The following PPFIBP2 variants were observed in gnomAD, a reference collection of about 807,000 sequenced individuals.
PPFIBP2 encodes liprin-beta-2.
PPFIBP2 carries 118 observed loss-of-function variants against 118.3 expected under a neutral mutation model. The observed-to-expected ratio is 1.00, with a 90% CI of 0.86 to 1.16. The LOEUF is 1.16. Ranked by LOEUF, PPFIBP2 falls within the 50% of genes most tolerant of loss-of-function variation. PPFIBP2 has a pLI of 0.00. For missense variants in PPFIBP2, 1,195 were observed against 1,073.1 expected, an observed-to-expected ratio of 1.11 and a Z score of -1.59; for synonymous variants, 414 against 397.4, an observed-to-expected ratio of 1.04 and a Z score of -0.50.
chr11:7,592,385 T>C (rs1169318836), intron 3 of PPFIBP2, among the ~76,000 whole-genome samples: 4 of 152,142 alleles, frequency 2.6e-5, no homozygotes, highest in Non-Finnish European at 5.9e-5. Flanking sequence ...CCCTTTCCTC[T>C]CTTTTCTATA....
intron 1 of PPFIBP2, among the ~76,000 whole-genome samples, chr11:7,536,165 A>G (rs918030956): frequency 6.6e-6 from 1 of 152,208 alleles, no homozygotes; most frequent in African/African-American, 2.4e-5. Context: ...TGGGACATAT[A>G]GTTTCTGAAT....
intron 3 of PPFIBP2, among the ~76,000 whole-genome samples, chr11:7,568,096 A>G: frequency 6.6e-6 from 1 of 152,174 alleles, no homozygotes; most frequent in East Asian, 1.9e-4. Context: ...ACACATTGGC[A>G]TTGTTCACAC....
chr11:7,568,527 G>A (rs541369587), intron 3 of PPFIBP2, among the ~76,000 whole-genome samples: 124 of 152,284 alleles, frequency 8.1e-4, no homozygotes, highest in African/African-American at 2.9e-3. Context: ...TAGCTGCAGT[G>A]GCCAGAATTT....
intron 2 of PPFIBP2, among the ~76,000 whole-genome samples, chr11:7,559,254 A>G (rs904459828): frequency 6.6e-6 from 1 of 152,202 alleles, no homozygotes; most frequent in Non-Finnish European, 1.5e-5. Flanking sequence ...CATATCCAGC[A>G]TTAGTGGTTT....
At chr11:7,546,030 C>G (rs1298998250) in intron 1 of PPFIBP2, among the ~76,000 whole-genome samples, 1 of 152,182 alleles carries the variant, frequency 6.6e-6, no homozygotes, top group East Asian at 1.9e-4. Flanking sequence ...TGGAGAACTT[C>G]CAGGTTGGTG....
Position 7,653,623 on chromosome 11 carries a change from T to C in PPFIBP2, c.*405T>C. The C allele has an allele frequency of 7.7e-7, 1 of 1,295,418 alleles. No homozygotes were observed. Among genetic ancestry groups the C allele is most frequent in the South Asian group, 1.2e-5 (1 of 81,088 alleles). 80.2% of individuals were successfully genotyped at this position (1,295,418 alleles called of 1,614,324 possible). On this transcript the variant is annotated 3_prime_UTR_variant, in exon 24 of 24. Transcript: ENST00000299492. ...GAAAAGCTCAAGTGCCTTAGGCCCGTGGACCACAGTCTTGGCTGAGATCAA... is the reference window on the plus strand; with the variant it reads ...GAAAAGCTCAAGTGCCTTAGGCCCGCGGACCACAGTCTTGGCTGAGATCAA...
intron 10 of PPFIBP2, 23 bp downstream of exon 10, chr11:7,629,557 CGT>C (rs751381722): frequency 3.7e-6 from 6 of 1,608,842 alleles, no homozygotes; most frequent in Non-Finnish European, 5.1e-6. Flanking sequence ...GCGATCCTAC[CGT>C]TGTCTCTGAA....
Position 7,642,281 on chromosome 11 carries a change from G to A in PPFIBP2, c.1518-17G>A. The A allele has an allele frequency of 6.2e-7, 1 of 1,613,446 alleles. No individual in the cohort carries two copies. Among genetic ancestry groups the A allele is most frequent in the Non-Finnish European group, 8.5e-7 (1 of 1,179,736 alleles). Reference sequence around the variant, plus strand: ...TGACTATTCCATGACCGTCTCCATGGATTCTTCTCCATGCAGAATCCGAAG... The same window carrying A: ...TGACTATTCCATGACCGTCTCCATGAATTCTTCTCCATGCAGAATCCGAAG... On this transcript the variant is annotated splice_polypyrimidine_tract_variant and intron_variant, in intron 16 of 23. Transcript: ENST00000299492.
intron 1 of PPFIBP2, among the ~76,000 whole-genome samples, chr11:7,520,475 G>A (rs1337898166): frequency 2.0e-5 from 3 of 151,220 alleles, no homozygotes; most frequent in Non-Finnish European, 2.9e-5. Flanking sequence ...GAATTTTTCA[G>A]TTTAGAAGTG....
chr11:7,578,641 A>G (rs1856800646), intron 3 of PPFIBP2, among the ~76,000 whole-genome samples: 1 of 152,216 alleles, frequency 6.6e-6, no homozygotes, highest in Non-Finnish European at 1.5e-5. Context: ...CCCAGGAAAT[A>G]AACCTCAGAT....
At chr11:7,654,622 G>A (rs917954112), downstream of PPFIBP2, among the ~76,000 whole-genome samples, 1 of 152,246 alleles carries the variant, frequency 6.6e-6, no homozygotes, top group African/African-American at 2.4e-5. Context: ...CAATGCTGCT[G>A]ATAGATCCTG....
chr11:7,552,898 T>G (rs1245870443), intron 2 of PPFIBP2, among the ~76,000 whole-genome samples: 1 of 152,212 alleles, frequency 6.6e-6, no homozygotes, highest in Non-Finnish European at 1.5e-5. Flanking sequence ...TTTATAGCAC[T>G]TATCACCTGA....
At chr11:7,628,452 C>T (rs940882054) in intron 9 of PPFIBP2, 106 bp downstream of exon 9, 3 of 1,043,754 alleles carry the variant, frequency 2.9e-6, no homozygotes, top group East Asian at 2.5e-5. Context: ...CTTATCATGC[C>T]ATTGACATAG....
intron 3 of PPFIBP2, among the ~76,000 whole-genome samples, chr11:7,589,713 C>G (rs1858891315): frequency 6.6e-6 from 1 of 152,164 alleles, no homozygotes; most frequent in African/African-American, 2.4e-5. Flanking sequence ...AACCTGACTT[C>G]ATGCGTGGAG....
intron 2 of PPFIBP2, among the ~76,000 whole-genome samples, chr11:7,562,154 C>T (rs1031705046): frequency 3.9e-5 from 6 of 152,242 alleles, no homozygotes; most frequent in Non-Finnish European, 8.8e-5. Context: ...GCGTAATGCT[C>T]ATTGGCCCAC....
chr11:7,662,214 C>T, the PPFIBP2 span, among the ~76,000 whole-genome samples: 9 of 151,850 alleles, frequency 5.9e-5, no homozygotes, highest in East Asian at 7.7e-4. Context: ...TTATTTTGCT[C>T]GTTAGTTGAT....
intron 1 of PPFIBP2, among the ~76,000 whole-genome samples, chr11:7,538,508 C>G (rs1424904831): frequency 4.6e-5 from 7 of 152,082 alleles, no homozygotes; most frequent in African/African-American, 1.7e-4. Flanking sequence ...GAGAAGGGCT[C>G]GAGCTTTTTG....
At chr11:7,569,534 G>A (rs534670344) in intron 3 of PPFIBP2, among the ~76,000 whole-genome samples, 1 of 152,298 alleles carries the variant, frequency 6.6e-6, no homozygotes, top group Non-Finnish European at 1.5e-5. Flanking sequence ...AGGAACAAAG[G>A]GCTTGGATTC....
chr11:7,557,516 G>A (rs1437551117), intron 2 of PPFIBP2, among the ~76,000 whole-genome samples: 22 of 130,208 alleles, frequency 1.7e-4, no homozygotes, highest in African/African-American at 6.6e-4. Flanking sequence ...TTTTGAGACA[G>A]AGTCTTGCTC....
Sources: gnomAD v4.1 joint callset for allele counts (sites outside exome capture counted in the v4.1 genomes callset) on GRCh38, gnomAD v4.1.1 for gene constraint, MANE v1.5 for transcripts, NCBI Gene and HGNC (gene_info 2026-07-23, HGNC 2026-07-21) for gene names.